The following TTC9 variants were observed in gnomAD, a reference collection of about 807,000 sequenced individuals.
TTC9 encodes the protein tetratricopeptide repeat domain 9.
Under a neutral mutation model 22.9 loss-of-function variants are expected in TTC9, and 13 were observed. The ratio of observed to expected loss-of-function variants is 0.57; its 90% CI spans 0.37 to 0.90. The LOEUF is 0.90. Ranked by LOEUF, TTC9 falls within the 40% of genes least tolerant of loss-of-function variation. TTC9 has a pLI of 0.01. For missense variants in TTC9, 280 were observed against 291.8 expected (o/e 0.96, Z 0.29); for synonymous variants, 148 against 133.2 (o/e 1.11, Z -0.77).
chr14:70,653,933 G>A (rs1452746757), intron 1 of TTC9, among the ~76,000 whole-genome samples: 1 of 152,196 alleles, frequency 6.6e-6, no homozygotes. Context: ...ATCCGACAGA[G>A]AAGCCATGGG....
At position 70,668,725 on chromosome 14, in the gene TTC9, C is replaced by T. The variant is rs549693240; in HGVS notation, c.589+979C>T. Among the ~76,000 whole-genome samples the T allele has an allele frequency of 4.0e-5, 6 of 151,798 alleles. No individual in the cohort carries two copies. The South Asian group carries it at 6.2e-4, about 16-fold the overall frequency. On this transcript the variant is annotated intron_variant, in intron 2 of 2. Transcript: ENST00000256367. ...AATTAGCTGGGTGTGGTGGTGGACA[C>T]CTGTAATCCCAACTACTTGGGAGGC... is the stretch of plus-strand genomic sequence containing the variant.
chr14:70,668,729 T>C (rs568167681), intron 2 of TTC9, among the ~76,000 whole-genome samples: 50 of 151,432 alleles, frequency 3.3e-4, no homozygotes, highest in Non-Finnish European at 5.7e-4. Flanking sequence ...TGGACACCTG[T>C]AATCCCAACT....
At chr14:70,658,773 T>C (rs1325751111) in intron 1 of TTC9, among the ~76,000 whole-genome samples, 2 of 152,366 alleles carry the variant, frequency 1.3e-5, no homozygotes, top group East Asian at 3.9e-4. Flanking sequence ...CTATCAACTT[T>C]ATTCGTAATA....
intron 1 of TTC9, among the ~76,000 whole-genome samples, chr14:70,666,629 C>T (rs1234767455): frequency 1.3e-5 from 2 of 152,142 alleles, no homozygotes; most frequent in East Asian, 1.9e-4. Flanking sequence ...GACTTGGATT[C>T]TGGAGCCAGA....
At chr14:70,652,821 G>A (rs999628176) in intron 1 of TTC9, among the ~76,000 whole-genome samples, 15 of 152,202 alleles carry the variant, frequency 9.9e-5, no homozygotes, top group African/African-American at 2.9e-4. Context: ...GAGACCACAG[G>A]ACCATTGGAA....
chr14:70,657,989 G>C (rs536061474), intron 1 of TTC9, among the ~76,000 whole-genome samples: 27 of 151,944 alleles, frequency 1.8e-4, no homozygotes, highest in Non-Finnish European at 2.9e-4. Context: ...AACAAACAAA[G>C]AAACAGCCAC....
In TTC9 at chr14:70,672,665, C is replaced by G. The variant is rs964143993; in HGVS notation, c.*1510C>G. 2 of 152,252 alleles carry G rather than the reference C, an allele frequency of 1.3e-5. No homozygotes were observed. The highest frequency in any genetic ancestry group is 6.5e-5 in the Admixed American group (1 of 15,294). The allele number at this position is 152,252 out of a possible 1,614,324, so 9.4% of individuals were successfully genotyped here. A position where few individuals can be genotyped will look rare whatever the true frequency, so the allele number is the denominator to read the frequency against. Reference sequence around the variant, plus strand: ...TACAAAATTAAAATATATACAGATGCAATAATGTGAATAGTTAGGATTTAT... The same window carrying G: ...TACAAAATTAAAATATATACAGATGGAATAATGTGAATAGTTAGGATTTAT... On this transcript the variant is annotated 3_prime_UTR_variant, in exon 3 of 3. Coordinates refer to ENST00000256367, the MANE Select transcript of TTC9 (RefSeq NM_015351.2).
chr14:70,671,206 C>T lies in TTC9; in HGVS notation c.*51C>T. 3.3e-6 allele frequency: 5 copies of T among 1,502,942 alleles called. No individual in the cohort carries two copies. Among genetic ancestry groups the T allele is most frequent in the Admixed American group, 1.7e-5 (1 of 58,636 alleles). The allele number at this position is 1,502,942 out of a possible 1,614,324, so 93.1% of individuals were successfully genotyped here. On this transcript the variant is annotated 3_prime_UTR_variant, in exon 3 of 3. Coordinates refer to ENST00000256367, the MANE Select transcript of TTC9 (RefSeq NM_015351.2). ...CCACGCCTGACCGGGGACTTCCAGG[C>T]ATCCCCTGGCAGAGAGCCCCGTCCT...
intron 1 of TTC9, among the ~76,000 whole-genome samples, chr14:70,650,299 T>C (rs530352110): frequency 2.0e-5 from 3 of 152,208 alleles, no homozygotes; most frequent in Admixed American, 1.3e-4. Context: ...GGCGCGTGCC[T>C]ATAATCCCAG....
chr14:70,671,049 C>G (rs1312863730), intron 2 of TTC9, 27 bp from the exon 3 acceptor site: 3 of 1,605,186 alleles, frequency 1.9e-6, no homozygotes, highest in Admixed American at 3.3e-5. Flanking sequence ...ACCTGGTGTT[C>G]CCTAAGGTTT....
chr14:70,663,148 G>A (rs1321486399), intron 1 of TTC9, among the ~76,000 whole-genome samples: 2 of 152,186 alleles, frequency 1.3e-5, no homozygotes, highest in Non-Finnish European at 2.9e-5. Flanking sequence ...CTGTGTCATG[G>A]TTTCTTTCTT....
chr14:70,670,607 C>A (rs962041530), intron 2 of TTC9, among the ~76,000 whole-genome samples: 6 of 152,078 alleles, frequency 3.9e-5, no homozygotes, highest in Non-Finnish European at 8.8e-5. Flanking sequence ...CAAGATTGCA[C>A]CACTACACTC....
At chr14:70,659,144 A>G (rs1006965503) in intron 1 of TTC9, among the ~76,000 whole-genome samples, 1 of 151,850 alleles carries the variant, frequency 6.6e-6, no homozygotes, top group Non-Finnish European at 1.5e-5. Flanking sequence ...ACACACACAC[A>G]CACACACACA....
chr14:70,651,341 C>CT (rs1286780059), intron 1 of TTC9, among the ~76,000 whole-genome samples: 3 of 143,516 alleles, frequency 2.1e-5, no homozygotes, highest in South Asian at 2.1e-4. Flanking sequence ...TACATTATTA[C>CT]TTTTTTTTAA....
In TTC9 at chr14:70,644,839, G is replaced by A. The variant is rs571892054; in HGVS notation, c.406+2304G>A. ...CTTAAAAGTCACTCTGGGGCTGGGT[G>A]CGGTGGCTCACTTCTGTAATCCCAG... is the stretch of plus-strand genomic sequence containing the variant. On this transcript the variant is annotated intron_variant, in intron 1 of 2. Coordinates refer to ENST00000256367, the MANE Select transcript of TTC9 (RefSeq NM_015351.2). Among the ~76,000 whole-genome samples, 19 of 152,206 alleles carry A rather than the reference G, an allele frequency of 1.2e-4. 1 individual carries two copies. The highest frequency in any genetic ancestry group is 9.2e-4 in the Admixed American group (14 of 15,298).
intron 1 of TTC9, among the ~76,000 whole-genome samples, chr14:70,643,420 T>C (rs76103044): frequency 0.012 from 1,786 of 152,354 alleles, 24 homozygotes; most frequent in African/African-American, 0.029. Flanking sequence ...TGGCTCTTGC[T>C]AGGGCCTTCC....
intron 1 of TTC9, among the ~76,000 whole-genome samples, chr14:70,653,944 G>A (rs1018267442): frequency 6.6e-6 from 1 of 152,220 alleles, no homozygotes; most frequent in Non-Finnish European, 1.5e-5. Flanking sequence ...AAGCCATGGG[G>A]CTGGCAGCCT....
chr14:70,658,313 C>T (rs894327579), intron 1 of TTC9, among the ~76,000 whole-genome samples: 6 of 152,178 alleles, frequency 3.9e-5, no homozygotes, highest in African/African-American at 2.4e-5. Flanking sequence ...TTGGGCATAA[C>T]CACTGTGGTA....
At chr14:70,668,115 C>T (rs757326829) in intron 2 of TTC9, among the ~76,000 whole-genome samples, 19 of 152,184 alleles carry the variant, frequency 1.2e-4, no homozygotes, top group Non-Finnish European at 2.6e-4. Flanking sequence ...ACCCATGAGG[C>T]GCTCACATCT....
Sources: allele counts gnomAD v4.1 joint callset (sites outside exome capture counted in the v4.1 genomes callset), GRCh38; gene constraint gnomAD v4.1.1; transcripts MANE v1.5; gene names NCBI Gene and HGNC (gene_info 2026-07-23, HGNC 2026-07-21).